Variants in KLF8 observed in about 807,000 individuals in gnomAD.
KLF8 encodes the protein KLF transcription factor 8, also known as Krueppel-like factor 8.
A neutral mutation model predicts 18.2 loss-of-function variants in KLF8; 10 were observed. That is an observed-to-expected ratio of 0.55 (90% confidence interval 0.34 to 0.93). The LOEUF (loss-of-function observed/expected upper bound fraction) is 0.93. Among genes scored for constraint, KLF8 ranks in the 40% least tolerant of loss-of-function variants. The probability of loss-of-function intolerance (pLI) is 0.02; values close to 1 mark genes in which losing one functional copy is unlikely to be tolerated. For missense variants in KLF8, 264 were observed against 277.9 expected, an observed-to-expected ratio of 0.95 and a Z score of 0.36; for synonymous variants, 109 against 97.3, an observed-to-expected ratio of 1.12 and a Z score of -0.71.
chrX:55,946,790 GA>G, the KLF8 span, among the ~76,000 whole-genome samples: 2 of 110,238 alleles, frequency 1.8e-5, no homozygotes, highest in Non-Finnish European at 1.9e-5. Context: ...AAATTTACAA[GA>G]AAAAAACAAA....
the KLF8 span, among the ~76,000 whole-genome samples, chrX:55,945,885 A>G: frequency 1.8e-5 from 2 of 111,253 alleles, no homozygotes; most frequent in African/African-American, 6.6e-5. Context: ...CCCATTCACA[A>G]TTGCTTCAAA....
chrX:56,132,436 G>A, the KLF8 span, among the ~76,000 whole-genome samples: 1 of 111,263 alleles, frequency 9.0e-6, no homozygotes, highest in African/African-American at 3.3e-5. Flanking sequence ...TCTTTGAATT[G>A]AATGATAATA....
chrX:55,993,672 G>T, the KLF8 span, among the ~76,000 whole-genome samples: 1 of 111,872 alleles, frequency 8.9e-6, no homozygotes, highest in African/African-American at 3.3e-5. Context: ...GTTTCTGATA[G>T]ATTGGTATCA....
At chrX:55,972,639 T>G in the KLF8 span, among the ~76,000 whole-genome samples, 1 of 111,542 alleles carries the variant, frequency 9.0e-6, no homozygotes, top group African/African-American at 3.2e-5. Flanking sequence ...ATATTTCATG[T>G]ACCTTTTAAA....
chrX:56,142,271 A>G, the KLF8 span, among the ~76,000 whole-genome samples: 1 of 111,867 alleles, frequency 8.9e-6, no homozygotes, highest in African/African-American at 3.2e-5. Context: ...GTAAAATTTC[A>G]GTCCTCACCT....
the KLF8 span, among the ~76,000 whole-genome samples, chrX:56,082,507 G>C: frequency 1.9e-3 from 200 of 104,833 alleles, no homozygotes; most frequent in African/African-American, 6.5e-3. Flanking sequence ...TTTGGATTTA[G>C]TCTTTTTTTT....
At chrX:55,947,257 A>G in the KLF8 span, among the ~76,000 whole-genome samples, 1 of 110,832 alleles carries the variant, frequency 9.0e-6, no homozygotes, top group Non-Finnish European at 1.9e-5. Context: ...ACAATGATAG[A>G]CTGGATTAAG....
chrX:56,103,026 G>A, the KLF8 span, among the ~76,000 whole-genome samples: 1,416 of 107,287 alleles, frequency 0.013, 11 homozygotes, highest in Non-Finnish European at 0.018. Flanking sequence ...CCTCCTCAGA[G>A]GTTGCATTAT....
the KLF8 span, among the ~76,000 whole-genome samples, chrX:56,099,980 T>C: frequency 2.7e-5 from 3 of 112,040 alleles, no homozygotes; most frequent in African/African-American, 9.7e-5. Context: ...AGATTGTCAA[T>C]GTAGACAAAA....
intron 2 of KLF8, among the ~76,000 whole-genome samples, chrX:56,257,294 G>A (rs1471843848): frequency 9.0e-6 from 1 of 111,547 alleles, no homozygotes; most frequent in African/African-American, 3.3e-5. Context: ...TGGATGAAAT[G>A]TTCTGTAAAT....
chrX:56,106,277 G>A, the KLF8 span, among the ~76,000 whole-genome samples: 2 of 111,534 alleles, frequency 1.8e-5, no homozygotes, highest in African/African-American at 6.5e-5. Flanking sequence ...TGCTAGGTTG[G>A]GGAAGTTCTG....
chrX:56,125,387 A>G, the KLF8 span, among the ~76,000 whole-genome samples: 5 of 112,086 alleles, frequency 4.5e-5, no homozygotes, highest in East Asian at 8.4e-4. Flanking sequence ...CTAAAGATGG[A>G]ATAGATACCT....
chrX:56,123,281 AAGAAAGAAAGAAAGAAAG>A, the KLF8 span, among the ~76,000 whole-genome samples: 1 of 102,970 alleles, frequency 9.7e-6, no homozygotes, highest in South Asian at 3.9e-4. Flanking sequence ...AAAAGAAAGA[AAGAAAGAAAGAAAGAAAG>A]AGAAAGAAAG....
chrX:56,216,661 C>T, the KLF8 span, among the ~76,000 whole-genome samples: 3 of 110,311 alleles, frequency 2.7e-5, no homozygotes, highest in Admixed American at 2.9e-4. Context: ...CAGGCATGAG[C>T]CACCACATCA....
chrX:56,198,280 A>G, the KLF8 span, among the ~76,000 whole-genome samples: 3 of 112,046 alleles, frequency 2.7e-5, no homozygotes, highest in Non-Finnish European at 5.6e-5. Context: ...TTCAATTAAG[A>G]AAAGAGGAAG....
chrX:56,181,615 C>T, the KLF8 span, among the ~76,000 whole-genome samples: 1 of 111,473 alleles, frequency 9.0e-6, no homozygotes, highest in Non-Finnish European at 1.9e-5. Flanking sequence ...TGTTCCTTTC[C>T]ATGTTTAGAT....
chrX:56,076,515 C>T, the KLF8 span, among the ~76,000 whole-genome samples: 8 of 110,899 alleles, frequency 7.2e-5, no homozygotes, highest in African/African-American at 2.0e-4. Flanking sequence ...GTATATGTGC[C>T]ACATTTTCTT....
At chrX:56,115,404 G>A in the KLF8 span, among the ~76,000 whole-genome samples, 1 of 112,077 alleles carries the variant, frequency 8.9e-6, no homozygotes, top group Non-Finnish European at 1.9e-5. Context: ...CAACACATCT[G>A]GAAAGGAGCA....
At chrX:56,212,100 A>G in the KLF8 span, among the ~76,000 whole-genome samples, 3 of 111,294 alleles carry the variant, frequency 2.7e-5, no homozygotes, top group Non-Finnish European at 5.7e-5. Flanking sequence ...ATGTGTCTAC[A>G]AATGTTGTCT....
Sources: gnomAD v4.1 joint callset for allele counts (sites outside exome capture counted in the v4.1 genomes callset) on GRCh38, gnomAD v4.1.1 for gene constraint, MANE v1.5 for transcripts, NCBI Gene and HGNC (gene_info 2026-07-23, HGNC 2026-07-21) for gene names.